The following BMPR1B variants were observed in gnomAD, a reference collection of about 807,000 sequenced individuals.
BMPR1B encodes bone morphogenetic protein receptor type-1B.
BMPR1B carries 12 observed loss-of-function variants against 59.1 expected under a neutral mutation model. The ratio of observed to expected loss-of-function variants is 0.20; its 90% confidence interval spans 0.13 to 0.33. The LOEUF is 0.33. Ranked by LOEUF, BMPR1B falls within the 10% of genes least tolerant of loss-of-function variation. BMPR1B has a pLI of 1.00. For synonymous variants in BMPR1B, 237 were observed against 207.3 expected (o/e 1.14, Z -1.23); for missense variants, 550 against 610.9 (o/e 0.90, Z 1.05).
chr4:95,054,497 C>T (rs986142750), intron 3 of BMPR1B, among the ~76,000 whole-genome samples: 31 of 152,090 alleles, frequency 2.0e-4, no homozygotes, highest in African/African-American at 7.2e-4. Context: ...GGGGAATTGC[C>T]TTCCTAATAG....
At chr4:95,106,342 TAGA>T (rs1731198533) in intron 4 of BMPR1B, among the ~76,000 whole-genome samples, 2 of 152,034 alleles carry the variant, frequency 1.3e-5, no homozygotes, top group African/African-American at 4.8e-5. Context: ...TTGGATGTAT[TAGA>T]AGGAGACAGA....
chr4:95,073,273 G>C (rs994853413), intron 3 of BMPR1B, among the ~76,000 whole-genome samples: 2 of 152,132 alleles, frequency 1.3e-5, no homozygotes, highest in African/African-American at 4.8e-5. Flanking sequence ...TATCTTCTGG[G>C]CATCTCCCCG....
chr4:95,029,459 C>G (rs570729221), intron 3 of BMPR1B, among the ~76,000 whole-genome samples: 52 of 152,036 alleles, frequency 3.4e-4, no homozygotes, highest in East Asian at 1.9e-3. Context: ...AGTATTCCAT[C>G]GTGTATATGT....
intron 3 of BMPR1B, among the ~76,000 whole-genome samples, chr4:95,096,735 T>TTATATGTATA (rs1406228748): frequency 1.7e-4 from 3 of 17,698 alleles, no homozygotes; most frequent in African/African-American, 4.1e-4. Flanking sequence ...CTATATATAG[T>TTATATGTATA]TATATATAAC....
At chr4:94,873,698 G>A (rs776538896) in intron 1 of BMPR1B, among the ~76,000 whole-genome samples, 17 of 152,160 alleles carry the variant, frequency 1.1e-4, no homozygotes, top group Non-Finnish European at 2.2e-4. Context: ...GTGAGCTGCC[G>A]TGCCCGGCCC....
chr4:94,798,796 A>G (rs760465015), intron 1 of BMPR1B, among the ~76,000 whole-genome samples: 5 of 152,116 alleles, frequency 3.3e-5, no homozygotes, highest in Admixed American at 6.5e-5. Context: ...CTTCAGGATT[A>G]TAAATCCTGA....
chr4:94,760,260 C>T (rs1024985924), intron 1 of BMPR1B, among the ~76,000 whole-genome samples: 1 of 152,108 alleles, frequency 6.6e-6, no homozygotes, highest in Admixed American at 6.6e-5. Flanking sequence ...GTCTGAAATT[C>T]CCTGTTAGAT....
At chr4:94,840,360 T>C (rs13134826) in intron 1 of BMPR1B, among the ~76,000 whole-genome samples, 86,117 of 139,872 alleles carry the variant, frequency 0.62, 29,558 homozygotes, top group African/African-American at 0.84. Context: ...AGAGTGTTTT[T>C]CAACTTGGTT....
At chr4:94,952,745 G>T (rs1230670377) in intron 2 of BMPR1B, among the ~76,000 whole-genome samples, 1 of 152,110 alleles carries the variant, frequency 6.6e-6, no homozygotes. Context: ...TGTTGATTTG[G>T]GGTGGAGAGT....
intron 1 of BMPR1B, among the ~76,000 whole-genome samples, chr4:94,791,292 A>G (rs2110602770): frequency 6.6e-6 from 1 of 152,230 alleles, no homozygotes; most frequent in South Asian, 2.1e-4. Flanking sequence ...TCCAGCCACC[A>G]AGTAGGTCTT....
chr4:94,987,535 T>G (rs901493909), intron 2 of BMPR1B, among the ~76,000 whole-genome samples: 1 of 151,994 alleles, frequency 6.6e-6, no homozygotes, highest in Non-Finnish European at 1.5e-5. Context: ...GACCATTGAG[T>G]TGGTTTTTGC....
At chr4:94,973,931 A>T (rs1304547614) in intron 2 of BMPR1B, among the ~76,000 whole-genome samples, 1 of 152,210 alleles carries the variant, frequency 6.6e-6, no homozygotes, top group Non-Finnish European at 1.5e-5. Flanking sequence ...TAAATTACTA[A>T]GAAAAAAGTG....
chr4:94,794,061 G>C (rs1256283045), intron 1 of BMPR1B, among the ~76,000 whole-genome samples: 6 of 149,538 alleles, frequency 4.0e-5, no homozygotes, highest in Admixed American at 6.6e-5. Context: ...TGTTGCCATT[G>C]CTTTTGGTGT....
chr4:95,051,836 C>A, intron 3 of BMPR1B: 2 of 1,474,900 alleles, frequency 1.4e-6, no homozygotes, highest in Non-Finnish European at 1.8e-6. Context: ...GATTTCGTGG[C>A]TTTTATCGCA....
intron 10 of BMPR1B, among the ~76,000 whole-genome samples, chr4:95,148,072 A>G (rs1404706527): frequency 6.6e-6 from 1 of 152,336 alleles, no homozygotes; most frequent in East Asian, 1.9e-4. Flanking sequence ...TATTTGGTTC[A>G]TAAAACAATA....
At chr4:94,804,332 T>G (rs1478299052) in intron 1 of BMPR1B, among the ~76,000 whole-genome samples, 1 of 152,240 alleles carries the variant, frequency 6.6e-6, no homozygotes, top group Non-Finnish European at 1.5e-5. Flanking sequence ...TATCTGCCTC[T>G]TGGGGAATCA....
intron 3 of BMPR1B, chr4:95,051,561 A>G: frequency 2.8e-6 from 2 of 717,286 alleles, no homozygotes; most frequent in East Asian, 5.5e-5. Flanking sequence ...CTTGTCTTTC[A>G]CGGTCCTGTC....
intron 2 of BMPR1B, among the ~76,000 whole-genome samples, chr4:94,891,909 CAA>C: frequency 6.6e-6 from 1 of 152,102 alleles, no homozygotes; most frequent in East Asian, 1.9e-4. Flanking sequence ...AGCCCTGTGC[CAA>C]AGAGACAAAT....
At chr4:95,000,899 G>T (rs1469456923) in intron 3 of BMPR1B, among the ~76,000 whole-genome samples, 1 of 152,098 alleles carries the variant, frequency 6.6e-6, no homozygotes, top group Non-Finnish European at 1.5e-5. Context: ...TAACAGTGAA[G>T]GGCATATAAT....
Sources: gnomAD v4.1 joint callset for allele counts (sites outside exome capture counted in the v4.1 genomes callset) on GRCh38, gnomAD v4.1.1 for gene constraint, MANE v1.5 for transcripts, NCBI Gene and HGNC (gene_info 2026-07-23, HGNC 2026-07-21) for gene names.